Variants in MTO1 observed in about 807,000 individuals in gnomAD.
The protein encoded by MTO1 is mitochondrial tRNA translation optimization 1.
In MTO1, 46 loss-of-function variants were observed where a neutral mutation model predicts 71.6. The ratio of observed to expected loss-of-function variants is 0.64; its 90% CI spans 0.51 to 0.82. MTO1 has a LOEUF of 0.82. MTO1 is among the 40% of genes least tolerant of loss of function. MTO1 has a pLI of 0.00. For synonymous variants in MTO1, 297 were observed against 312.1 expected (o/e 0.95, Z 0.51); for missense variants, 773 against 867.5 (o/e 0.89, Z 1.37).
In MTO1 at chr6:73,462,059, G is replaced by A. The variant is rs1561937186; in HGVS notation, c.205G>A (p.Val69Met). Residue 69 changes from valine to methionine, a missense_variant, in exon 1 of 12, where the codon GTG becomes ATG. By Grantham distance (21) the Val-to-Met change is conservative. Transcript: ENST00000498286. ...GSRTLLLTHR[V>M]DTIGQMSCNP... ...TCGGACTCTGCTCCTCACTCACCGC[G>A]TGGACACGATCGGTGAGGAGCGCGG... 2 of 1,613,624 alleles carry A rather than the reference G, an allele frequency of 1.2e-6. No individual in the cohort carries two copies. Among genetic ancestry groups the A allele is most frequent in the Admixed American group, 1.7e-5 (1 of 60,012 alleles).
chr6:73,497,799 C>T lies in MTO1; in HGVS notation c.1820C>T (p.Ala607Val). ...ATAAAGGGAGTTCAGCAAGATGAAG[C>T]TCTCCAACTGCCAAAAGACCTAGAT... is the stretch of plus-strand genomic sequence containing the variant. ...QEIKGVQQDE[A>V]LQLPKDLDYL... Residue 607 changes from alanine (A) to valine (V), a missense_variant, in exon 11 of 12, where the codon GCT becomes GTT. Transcript: ENST00000498286. 2 of 1,613,896 alleles carry T rather than the reference C, an allele frequency of 1.2e-6. No homozygotes were observed.
chr6:73,480,078 A>G lies in MTO1; in HGVS notation c.1081A>G (p.Met361Val). 1 of 1,614,144 alleles carries G rather than the reference A, an allele frequency of 6.2e-7. No homozygotes were observed. The highest frequency in any genetic ancestry group is 8.5e-7 in the Non-Finnish European group (1 of 1,180,024). ...MTLPAELQEK[M>V]ITCIRGLEKA... ...GCTACCAGCTGAGTTACAAGAGAAAATGATCACATGCATCAGAGGCTTGGA... is the reference window on the plus strand; with the variant it reads ...GCTACCAGCTGAGTTACAAGAGAAAGTGATCACATGCATCAGAGGCTTGGA... The change falls in exon 6 of 12, where the codon ATG becomes GTG. Residue 361 changes from methionine to valine, a missense_variant. Physicochemically the swap from Met to Val is conservative, Grantham distance 21. Coordinates refer to ENST00000498286, the MANE Select transcript of MTO1 (RefSeq NM_012123.4).
intron 4 of MTO1, among the ~76,000 whole-genome samples, chr6:73,476,211 A>T (rs533818355): frequency 4.0e-5 from 6 of 151,440 alleles, no homozygotes; most frequent in Admixed American, 1.3e-4. Context: ...AAAAATAAAA[A>T]AAAAATAAAA....
intron 9 of MTO1, among the ~76,000 whole-genome samples, chr6:73,490,916 G>T (rs1166686056): frequency 2.6e-5 from 4 of 152,130 alleles, no homozygotes; most frequent in Non-Finnish European, 5.9e-5. Context: ...GTATAAAAGG[G>T]ATTAAAGTGG....
At chr6:73,473,986 A>G (rs953378940) in intron 4 of MTO1, among the ~76,000 whole-genome samples, 5 of 151,812 alleles carry the variant, frequency 3.3e-5, no homozygotes, top group African/African-American at 1.2e-4. Flanking sequence ...GGGTTTCACT[A>G]TGTTGCCCAG....
At chr6:73,493,245 C>A (rs1029291892) in intron 10 of MTO1, among the ~76,000 whole-genome samples, 1 of 151,264 alleles carries the variant, frequency 6.6e-6, no homozygotes, top group Non-Finnish European at 1.5e-5. Context: ...CTGCCTGCCT[C>A]GGCCTCCCAA....
At position 73,504,674 on chromosome 6, in the gene MTO1, C is replaced by T. The variant is rs916532325; in HGVS notation, c.*3939C>T. On this transcript the variant is annotated 3_prime_UTR_variant, in exon 12 of 12. Transcript: ENST00000498286. ...TGGGAGGCCAGGCGGATCACTTGAG[C>T]TCAGCAGTTCAAGACCAGCCTGGGC... 6.6e-6 allele frequency: 1 copy of T among 152,220 alleles called. No individual in the cohort carries two copies. The highest frequency in any genetic ancestry group is 2.4e-5 in the African/African-American group (1 of 41,440). The allele number at this position is 152,220 out of a possible 1,614,324, so 9.4% of individuals were successfully genotyped here. A position where few individuals can be genotyped will look rare whatever the true frequency, so the allele number is the denominator to read the frequency against.
intron 10 of MTO1, among the ~76,000 whole-genome samples, chr6:73,496,399 T>A (rs1397756615): frequency 6.6e-6 from 1 of 152,146 alleles, no homozygotes; most frequent in East Asian, 1.9e-4. Flanking sequence ...AAATTATGTT[T>A]TGTCAACTAA....
Position 73,491,228 on chromosome 6 carries a change from A to G in MTO1, c.1638-1006A>G, listed in dbSNP as rs190474404. ...TGAGAAGTGACTATCAAAAATTTCC[A>G]TGTGGTAAAAGTTGACATGTAGATT... On this transcript the variant is annotated intron_variant, in intron 9 of 11. Coordinates refer to ENST00000498286, the MANE Select transcript of MTO1 (RefSeq NM_012123.4). Among the ~76,000 whole-genome samples the G allele has an allele frequency of 1.1e-3, 167 of 151,336 alleles. 1 individual carries two copies. Among genetic ancestry groups the G allele is most frequent in the Non-Finnish European group, 1.4e-3 (92 of 67,942 alleles).
At chr6:73,473,701 CA>C in intron 4 of MTO1, 47 bp downstream of exon 4, 1 of 1,347,816 alleles carries the variant, frequency 7.4e-7, no homozygotes. Context: ...ATTGGCTATT[CA>C]CAGCAGGAAG....
intron 9 of MTO1, among the ~76,000 whole-genome samples, 169 bp downstream of exon 9, chr6:73,482,789 CT>C (rs35121302): frequency 1.6e-4 from 15 of 92,142 alleles, no homozygotes; most frequent in South Asian, 8.2e-4. Context: ...TTTTTTCTTT[CT>C]TTTTTTTTTT....
At position 73,509,131 on chromosome 6, in the gene MTO1, T is replaced by C. The variant is rs989887474; in HGVS notation, c.*8396T>C. The C allele has an allele frequency of 6.6e-6, 1 of 152,254 alleles. No individual in the cohort carries two copies. Among genetic ancestry groups the C allele is most frequent in the Admixed American group, 6.5e-5 (1 of 15,280 alleles). The allele number at this position is 152,254 out of a possible 1,614,324, so 9.4% of individuals were successfully genotyped here. ...GTACTGAAAATATAACCAAGTTTTA[T>C]TTATGTTTTTCATTTGGTATTAGCC... is the stretch of plus-strand genomic sequence containing the variant. On this transcript the variant is annotated 3_prime_UTR_variant, in exon 12 of 12. Transcript: ENST00000498286.
intron 3 of MTO1, among the ~76,000 whole-genome samples, chr6:73,467,986 A>AC: frequency 6.6e-6 from 1 of 151,322 alleles, no homozygotes; most frequent in African/African-American, 2.4e-5. Context: ...ATGCCCAGCT[A>AC]ATTTTTGTAT....
chr6:73,463,117 G>T (rs916811661), intron 1 of MTO1, among the ~76,000 whole-genome samples: 2 of 151,232 alleles, frequency 1.3e-5, no homozygotes, highest in Non-Finnish European at 2.9e-5. Context: ...TCCGCCTTCC[G>T]GGTTAATGCC....
intron 3 of MTO1, among the ~76,000 whole-genome samples, chr6:73,466,962 G>A (rs1333937321): frequency 5.3e-5 from 8 of 152,048 alleles, no homozygotes; most frequent in African/African-American, 1.7e-4. Flanking sequence ...ATATTTTTAT[G>A]TAAAAGAGTT....
chr6:73,487,043 T>TC (rs1771671248), intron 9 of MTO1, among the ~76,000 whole-genome samples: 1 of 152,160 alleles, frequency 6.6e-6, no homozygotes, highest in Non-Finnish European at 1.5e-5. Context: ...TGAATGATAC[T>TC]CCATTTTATG....
rs775636286 is a variant in MTO1 at position 73,497,796 on chromosome 6, A to C, written c.1817A>C (p.Glu606Ala). 6.2e-7 allele frequency: 1 copy of C among 1,613,946 alleles called. No homozygotes were observed. Among genetic ancestry groups the C allele is most frequent in the Non-Finnish European group, 8.5e-7 (1 of 1,179,850 alleles). ...LQEIKGVQQD[E>A]ALQLPKDLDY... ...GAAATAAAGGGAGTTCAGCAAGATGAAGCTCTCCAACTGCCAAAAGACCTA... is the reference window on the plus strand; with the variant it reads ...GAAATAAAGGGAGTTCAGCAAGATGCAGCTCTCCAACTGCCAAAAGACCTA... Residue 606 changes from glutamate (E) to alanine (A), a missense_variant, in exon 11 of 12, where the codon GAA becomes GCA. Physicochemically the swap from Glu to Ala is moderately radical, Grantham distance 107. Coordinates refer to ENST00000498286, the MANE Select transcript of MTO1 (RefSeq NM_012123.4).
In MTO1 at chr6:73,502,924, A is replaced by C. The variant is rs1287860830; in HGVS notation, c.*2189A>C. The C allele has an allele frequency of 6.6e-6, 1 of 152,152 alleles. No homozygotes were observed. The highest frequency in any genetic ancestry group is 1.5e-5 in the Non-Finnish European group (1 of 68,074). The allele number at this position is 152,152 out of a possible 1,614,324, so 9.4% of individuals were successfully genotyped here. A position where few individuals can be genotyped will look rare whatever the true frequency, so the allele number is the denominator to read the frequency against. On this transcript the variant is annotated 3_prime_UTR_variant, in exon 12 of 12. Coordinates refer to ENST00000498286, the MANE Select transcript of MTO1 (RefSeq NM_012123.4). ...AAAAAAAAAAGAAACAGGAAGTTCA[A>C]ATATTTTGGGAGGTTCTTGACAGCT...
At chr6:73,495,779 C>T (rs1020902079) in intron 10 of MTO1, among the ~76,000 whole-genome samples, 1 of 151,862 alleles carries the variant, frequency 6.6e-6, no homozygotes, top group Non-Finnish European at 1.5e-5. Flanking sequence ...TTTCATGATA[C>T]CTTGAAGAGT....
Sources: allele counts gnomAD v4.1 joint callset (sites outside exome capture counted in the v4.1 genomes callset), GRCh38; gene constraint gnomAD v4.1.1; transcripts MANE v1.5; gene names NCBI Gene and HGNC (gene_info 2026-07-23, HGNC 2026-07-21).